The following PDE4D variants were observed in gnomAD, a reference collection of about 807,000 sequenced individuals.
PDE4D encodes the protein phosphodiesterase 4D.
In PDE4D, 24 loss-of-function variants were observed where a neutral mutation model predicts 87.4. The ratio of observed to expected loss-of-function variants is 0.27; its 90% CI spans 0.20 to 0.39. The LOEUF (loss-of-function observed/expected upper bound fraction) is 0.39. Among genes scored for constraint, PDE4D ranks in the 10% least tolerant of loss-of-function variants. The pLI, the probability that PDE4D is intolerant of heterozygous loss-of-function variation, is 1.00. For missense variants in PDE4D, 714 were observed against 1,041.0 expected, an observed-to-expected ratio of 0.69 and a Z score of 4.32; for synonymous variants, 384 against 383.2, an observed-to-expected ratio of 1.00 and a Z score of -0.02.
chr5:59,119,052 A>G (rs1039488081), intron 5 of PDE4D, among the ~76,000 whole-genome samples: 3 of 152,166 alleles, frequency 2.0e-5, no homozygotes, highest in Admixed American at 2.0e-4. Flanking sequence ...TGGCGTGGAG[A>G]AGATGAAATT....
chr5:59,217,382 G>GAAA (rs1445967849), intron 1 of PDE4D: 4 of 421,188 alleles, frequency 9.5e-6, no homozygotes, highest in Non-Finnish European at 1.9e-5. Flanking sequence ...TTTCTTTATC[G>GAAA]GAGTCATTAA....
At position 59,574,005 on chromosome 5, in the gene PDE4D, A is replaced by T. The variant is rs295934; in HGVS notation, c.455+319163T>A. On this transcript the variant is annotated intron_variant, in intron 1 of 14. Coordinates refer to ENST00000340635, the MANE Select transcript of PDE4D (RefSeq NM_001104631.2). ...AAAGGGAGACTCTGTCTCAAAAAAA[A>T]ATATATATATATATATATATATAAA... 1.2e-3 allele frequency among the ~76,000 whole-genome samples: 141 copies of T among 119,678 alleles called. 2 individuals are homozygous for T. The highest frequency in any genetic ancestry group is 4.0e-3 in the African/African-American group (113 of 28,508). The allele number at this position is 119,678 out of a possible 152,430, so 78.5% of individuals were successfully genotyped here.
chr5:59,780,412 G>T (rs552560543), intron 1 of PDE4D, among the ~76,000 whole-genome samples: 22 of 152,282 alleles, frequency 1.4e-4, no homozygotes, highest in Admixed American at 3.9e-4. Flanking sequence ...AATTTTAGTT[G>T]ACCAAGCATT....
intron 2 of PDE4D, among the ~76,000 whole-genome samples, chr5:60,032,172 T>C (rs766976053): frequency 6.6e-5 from 10 of 152,164 alleles, no homozygotes; most frequent in Non-Finnish European, 1.5e-4. Context: ...TAAAATCTTA[T>C]AGATTAGGCT....
chr5:60,325,081 A>C (rs1282613273), intron 1 of PDE4D, among the ~76,000 whole-genome samples: 1 of 152,226 alleles, frequency 6.6e-6, no homozygotes, highest in Non-Finnish European at 1.5e-5. Flanking sequence ...ATGGAACTAG[A>C]GAATGGATAT....
chr5:59,359,175 T>C (rs1781839825), intron 1 of PDE4D, among the ~76,000 whole-genome samples: 1 of 152,214 alleles, frequency 6.6e-6, no homozygotes. Flanking sequence ...GAAGGAGAAC[T>C]AATCTTGTCT....
intron 1 of PDE4D, among the ~76,000 whole-genome samples, chr5:60,388,404 A>G (rs927643871): frequency 8.9e-5 from 13 of 146,608 alleles, no homozygotes; most frequent in African/African-American, 3.4e-4. Flanking sequence ...TCTAAAAAAA[A>G]AATGGGATAA....
intron 5 of PDE4D, chr5:59,174,579 C>T (rs1783529859): frequency 6.6e-6 from 1 of 152,494 alleles, no homozygotes; most frequent in African/African-American, 2.4e-5. Flanking sequence ...ATCAAAATAG[C>T]TATAACTACA....
At chr5:59,163,933 G>A (rs1781525534) in intron 5 of PDE4D, among the ~76,000 whole-genome samples, 1 of 152,106 alleles carries the variant, frequency 6.6e-6, no homozygotes, top group Non-Finnish European at 1.5e-5. Context: ...GCTTTTTGTG[G>A]CTGTCCATTT....
chr5:60,260,814 T>C (rs1262280298), intron 1 of PDE4D, among the ~76,000 whole-genome samples: 1 of 152,130 alleles, frequency 6.6e-6, no homozygotes, highest in African/African-American at 2.4e-5. Context: ...TCTTCTGTAC[T>C]AGAAGTTTCA....
At chr5:59,865,926 G>T (rs529036288) in intron 1 of PDE4D, among the ~76,000 whole-genome samples, 2 of 152,342 alleles carry the variant, frequency 1.3e-5, no homozygotes, top group South Asian at 4.1e-4. Context: ...TCTGACAGGT[G>T]ATTGCTGCTA....
intron 3 of PDE4D, among the ~76,000 whole-genome samples, chr5:59,907,934 T>C (rs1197269581): frequency 6.6e-6 from 1 of 152,010 alleles, no homozygotes; most frequent in South Asian, 2.1e-4. Flanking sequence ...CAAGTCCTCA[T>C]TCTTTTGTCA....
chr5:60,479,690 T>A (rs1561301310), intron 1 of PDE4D, among the ~76,000 whole-genome samples: 1 of 152,162 alleles, frequency 6.6e-6, no homozygotes, highest in African/African-American at 2.4e-5. Flanking sequence ...TTACAGTGTG[T>A]GAAAGCAGCA....
chr5:60,107,969 C>T (rs1777199798), intron 2 of PDE4D, among the ~76,000 whole-genome samples: 1 of 152,286 alleles, frequency 6.6e-6, no homozygotes, highest in South Asian at 2.1e-4. Flanking sequence ...TGCCTTCTCT[C>T]ACCACTCCTA....
chr5:60,401,411 T>C (rs1167339870), intron 1 of PDE4D, among the ~76,000 whole-genome samples: 2 of 152,234 alleles, frequency 1.3e-5, no homozygotes, highest in African/African-American at 4.8e-5. Context: ...CACGAACATC[T>C]TTCTTCAGTC....
At chr5:60,152,070 C>A (rs959204368) in intron 2 of PDE4D, among the ~76,000 whole-genome samples, 2 of 152,148 alleles carry the variant, frequency 1.3e-5, no homozygotes, top group African/African-American at 2.4e-5. Flanking sequence ...GCATGCTGAA[C>A]CATCTTTGCA....
chr5:60,473,531 T>C (rs1315447578), intron 1 of PDE4D, among the ~76,000 whole-genome samples: 3 of 152,184 alleles, frequency 2.0e-5, no homozygotes, highest in Non-Finnish European at 4.4e-5. Context: ...TAAATTCAGA[T>C]GAAGAATATC....
chr5:59,979,705 A>T (rs1761718969), intron 3 of PDE4D, among the ~76,000 whole-genome samples: 1 of 152,198 alleles, frequency 6.6e-6, no homozygotes, highest in South Asian at 2.1e-4. Context: ...GAAATAATCT[A>T]AAAGTGCCCG....
At chr5:59,519,732 G>A (rs1562323933) in intron 1 of PDE4D, among the ~76,000 whole-genome samples, 1 of 152,212 alleles carries the variant, frequency 6.6e-6, no homozygotes, top group African/African-American at 2.4e-5. Context: ...TACTGTTTTT[G>A]TAGAATAACT....
Sources: allele counts gnomAD v4.1 joint callset (sites outside exome capture counted in the v4.1 genomes callset), GRCh38; gene constraint gnomAD v4.1.1; transcripts MANE v1.5; gene names NCBI Gene and HGNC (gene_info 2026-07-23, HGNC 2026-07-21).